The following PDE10A variants were observed in gnomAD, a reference collection of about 807,000 sequenced individuals.
PDE10A encodes the protein cAMP and cAMP-inhibited cGMP 3',5'-cyclic phosphodiesterase 10A.
A neutral mutation model predicts 97.7 loss-of-function variants in PDE10A; 39 were observed. That is an observed-to-expected ratio of 0.40 (90% CI 0.31 to 0.52). PDE10A has a LOEUF of 0.52. Among genes scored for constraint, PDE10A ranks in the 20% least tolerant of loss-of-function variants. PDE10A has a pLI of 0.56. For missense variants in PDE10A, 731 were observed against 1,047.8 expected, an observed-to-expected ratio of 0.70 and a Z score of 4.17; for synonymous variants, 371 against 376.8, an observed-to-expected ratio of 0.98 and a Z score of 0.18.
At chr6:165,806,712 G>A (rs1328744312) in intron 1 of PDE10A, among the ~76,000 whole-genome samples, 2 of 151,596 alleles carry the variant, frequency 1.3e-5, no homozygotes, top group Admixed American at 6.6e-5. Flanking sequence ...AATGTGACTT[G>A]CTCCCCTAAT....
chr6:165,943,226 A>AAG (rs1783614663), intron 1 of PDE10A, among the ~76,000 whole-genome samples: 33 of 50,032 alleles, frequency 6.6e-4, no homozygotes, highest in Non-Finnish European at 8.6e-4. Context: ...AAAGAAAGAA[A>AAG]GAAAGAAAGA....
intron 1 of PDE10A, among the ~76,000 whole-genome samples, chr6:165,772,486 C>T (rs1023460798): frequency 6.6e-6 from 1 of 152,176 alleles, no homozygotes; most frequent in African/African-American, 2.4e-5. Flanking sequence ...CGCGCTGTGG[C>T]CTTCTCTCCT....
intron 1 of PDE10A, among the ~76,000 whole-genome samples, chr6:165,590,763 C>T (rs190392872): frequency 0.012 from 1,794 of 152,154 alleles, 20 homozygotes; most frequent in Non-Finnish European, 0.02. Flanking sequence ...TGGTGGCGGG[C>T]GCCTGTAGTC....
intron 1 of PDE10A, among the ~76,000 whole-genome samples, chr6:165,624,024 G>A (rs1000467293): frequency 5.3e-5 from 8 of 152,196 alleles, no homozygotes; most frequent in African/African-American, 1.9e-4. Context: ...CTCTCCACAA[G>A]GCCAAGGCCT....
chr6:165,743,220 T>C (rs903303892), intron 1 of PDE10A, among the ~76,000 whole-genome samples: 4 of 152,354 alleles, frequency 2.6e-5, no homozygotes, highest in African/African-American at 7.2e-5. Flanking sequence ...TTCCCAGATA[T>C]GCCACTTTTT....
chr6:165,764,863 A>C (rs893680396), intron 1 of PDE10A, among the ~76,000 whole-genome samples: 2 of 152,120 alleles, frequency 1.3e-5, no homozygotes, highest in Non-Finnish European at 2.9e-5. Context: ...GCCTGCTTTT[A>C]TTCTCTTATC....
intron 1 of PDE10A, among the ~76,000 whole-genome samples, chr6:165,922,649 G>T (rs1003073773): frequency 1.3e-5 from 2 of 152,140 alleles, no homozygotes; most frequent in Admixed American, 1.3e-4. Context: ...GAGAAATCAT[G>T]TGGGAGTTTA....
chr6:165,343,998 G>T (rs910597325), intron 18 of PDE10A, among the ~76,000 whole-genome samples: 1 of 152,188 alleles, frequency 6.6e-6, no homozygotes, highest in Non-Finnish European at 1.5e-5. Flanking sequence ...AGGTAGCTGT[G>T]CAACCTGGTT....
chr6:165,395,401 A>G, intron 14 of PDE10A, 137 bp from the exon 15 acceptor site: 1 of 582,074 alleles, frequency 1.7e-6, no homozygotes, highest in Non-Finnish European at 3.1e-6. Flanking sequence ...CTGCCTTCTT[A>G]GCCACATAGC....
chr6:165,523,807 T>C (rs1408093645), intron 2 of PDE10A, among the ~76,000 whole-genome samples: 1 of 152,124 alleles, frequency 6.6e-6, no homozygotes, highest in African/African-American at 2.4e-5. Context: ...AATAAACTAT[T>C]AACAAACAGA....
chr6:165,629,850 A>G (rs894394487), intron 1 of PDE10A, among the ~76,000 whole-genome samples: 4 of 151,504 alleles, frequency 2.6e-5, no homozygotes, highest in Non-Finnish European at 5.9e-5. Context: ...ACTACTTTCA[A>G]TTAGCCTAGT....
chr6:165,576,200 G>A (rs534355994), intron 1 of PDE10A, among the ~76,000 whole-genome samples: 12 of 152,224 alleles, frequency 7.9e-5, no homozygotes, highest in Middle Eastern at 3.4e-3. Flanking sequence ...TAAACTTTTC[G>A]GTGCAATGAA....
intron 18 of PDE10A, among the ~76,000 whole-genome samples, chr6:165,372,403 C>T (rs1451502872): frequency 4.2e-4 from 61 of 145,040 alleles, no homozygotes; most frequent in African/African-American, 1.6e-3. Flanking sequence ...AATCAATGCA[C>T]AAAAATCACA....
chr6:165,881,224 A>T (rs1781462981), intron 1 of PDE10A, among the ~76,000 whole-genome samples: 1 of 152,176 alleles, frequency 6.6e-6, no homozygotes, highest in Non-Finnish European at 1.5e-5. Flanking sequence ...ATGTTCAATT[A>T]ATTTCAAAAT....
intron 1 of PDE10A, among the ~76,000 whole-genome samples, chr6:165,830,848 G>A (rs1408290726): frequency 6.6e-6 from 1 of 152,072 alleles, no homozygotes; most frequent in Non-Finnish European, 1.5e-5. Flanking sequence ...TAATTCCAAC[G>A]AAATCCAAAA....
rs796726955 is a variant in PDE10A at position 165,691,201 on chromosome 6, C to A, written c.-614-147633G>T. ...TCTCTCTCTCTCCCTCTCTCTCTCT[C>A]CCCACACACACACACACACACACAC... On this transcript the variant is annotated intron_variant, in intron 1 of 19. Coordinates refer to the PDE10A transcript ENST00000366882. Among the ~76,000 whole-genome samples the A allele has an allele frequency of 3.6e-3, 87 of 24,030 alleles. 3 individuals carry two copies. The highest frequency in any genetic ancestry group is 1.0e-2 in the African/African-American group (74 of 7,426). 15.8% of individuals were successfully genotyped at this position (24,030 alleles called of 152,430 possible).
chr6:165,375,078 A>T (rs1320016001), intron 18 of PDE10A, among the ~76,000 whole-genome samples: 1 of 152,136 alleles, frequency 6.6e-6, no homozygotes, highest in Non-Finnish European at 1.5e-5. Context: ...GTCCTTGAAC[A>T]TCCTTGTTCC....
intron 5 of PDE10A, among the ~76,000 whole-genome samples, chr6:165,436,785 T>C (rs1262452800): frequency 6.6e-6 from 1 of 152,182 alleles, no homozygotes; most frequent in African/African-American, 2.4e-5. Context: ...TTACTATAAT[T>C]ACATTAGGCA....
At chr6:165,851,385 C>T (rs1780568242) in intron 1 of PDE10A, among the ~76,000 whole-genome samples, 1 of 152,230 alleles carries the variant, frequency 6.6e-6, no homozygotes, top group Non-Finnish European at 1.5e-5. Context: ...TGGGGCCTTC[C>T]TTAACATTCC....
Sources: gnomAD v4.1 joint callset for allele counts (sites outside exome capture counted in the v4.1 genomes callset) on GRCh38, gnomAD v4.1.1 for gene constraint, MANE v1.5 for transcripts, NCBI Gene and HGNC (gene_info 2026-07-23, HGNC 2026-07-21) for gene names.